The following LRRC4C variants were observed in gnomAD, a reference collection of about 807,000 sequenced individuals.
LRRC4C encodes the protein leucine-rich repeat-containing protein 4C.
Under a neutral mutation model 33.6 loss-of-function variants are expected in LRRC4C, and 5 were observed. The observed-to-expected ratio is 0.15, with a 90% CI of 0.08 to 0.31. LRRC4C has a LOEUF of 0.31. LRRC4C is among the 10% of genes least tolerant of loss of function. LRRC4C has a pLI of 1.00. For missense variants in LRRC4C, 560 were observed against 796.7 expected (o/e 0.70, Z 3.58); for synonymous variants, 329 against 302.0 (o/e 1.09, Z -0.93).
chr11:41,261,561 T>G (rs1948983204), intron 1 of LRRC4C, among the ~76,000 whole-genome samples: 2 of 152,072 alleles, frequency 1.3e-5, no homozygotes, highest in Admixed American at 1.3e-4. Context: ...TTCAAGCCAG[T>G]GCACTCTTGA....
At chr11:40,574,002 C>T (rs200266968) in intron 3 of LRRC4C, among the ~76,000 whole-genome samples, 52 of 152,146 alleles carry the variant, frequency 3.4e-4, no homozygotes, top group East Asian at 3.1e-3. Flanking sequence ...AATTTGATTA[C>T]GGTGTTAAAG....
intron 3 of LRRC4C, among the ~76,000 whole-genome samples, chr11:40,563,120 CAA>C (rs1197929277): frequency 1.3e-5 from 2 of 152,084 alleles, no homozygotes; most frequent in Non-Finnish European, 2.9e-5. Flanking sequence ...AAATGACACT[CAA>C]AGAGTGGTTT....
At chr11:40,245,951 T>C (rs1400463763) in intron 4 of LRRC4C, among the ~76,000 whole-genome samples, 1 of 151,690 alleles carries the variant, frequency 6.6e-6, no homozygotes, top group Admixed American at 6.6e-5. Flanking sequence ...AGATACATGA[T>C]ACATATTGTT....
At chr11:40,345,804 A>G (rs1025438602) in intron 3 of LRRC4C, among the ~76,000 whole-genome samples, 10 of 152,212 alleles carry the variant, frequency 6.6e-5, no homozygotes, top group African/African-American at 2.4e-4. Context: ...TATGTATTGG[A>G]CAAAGTGGTA....
chr11:40,228,670 C>T (rs1485418672), intron 5 of LRRC4C, among the ~76,000 whole-genome samples: 1 of 152,216 alleles, frequency 6.6e-6, no homozygotes, highest in Non-Finnish European at 1.5e-5. Context: ...TGGAAGAATG[C>T]TCACAAATCA....
intron 1 of LRRC4C, among the ~76,000 whole-genome samples, chr11:41,435,676 A>C (rs1469123826): frequency 6.6e-6 from 1 of 152,220 alleles, no homozygotes; most frequent in Non-Finnish European, 1.5e-5. Context: ...ATTTGTCAAT[A>C]AATATTTTTC....
intron 3 of LRRC4C, among the ~76,000 whole-genome samples, chr11:40,518,033 G>A (rs1050642781): frequency 2.6e-5 from 4 of 152,162 alleles, no homozygotes; most frequent in African/African-American, 9.7e-5. Context: ...TTCATAAATG[G>A]TGCTGGGAAA....
chr11:40,592,755 C>G (rs1959114498), intron 3 of LRRC4C, among the ~76,000 whole-genome samples: 1 of 152,166 alleles, frequency 6.6e-6, no homozygotes. Flanking sequence ...CTGGCATGCA[C>G]AGACTACTTC....
At chr11:40,697,596 A>C (rs1945635522) in intron 2 of LRRC4C, among the ~76,000 whole-genome samples, 1 of 152,212 alleles carries the variant, frequency 6.6e-6, no homozygotes, top group Non-Finnish European at 1.5e-5. Context: ...TCTATTTTAC[A>C]ACCTATGGAT....
intron 4 of LRRC4C, among the ~76,000 whole-genome samples, chr11:40,313,066 G>A (rs1945391961): frequency 6.6e-6 from 1 of 152,038 alleles, no homozygotes; most frequent in African/African-American, 2.4e-5. Flanking sequence ...ATATATTATT[G>A]CCTGTCCCTT....
At chr11:40,188,306 A>G (rs7930773) in intron 5 of LRRC4C, among the ~76,000 whole-genome samples, 98,638 of 152,000 alleles carry the variant, frequency 0.65, 32,139 homozygotes, top group South Asian at 0.8. Flanking sequence ...TATTCTATTC[A>G]TCTCTCACAT....
At chr11:41,163,515 C>A (rs1307767162) in intron 1 of LRRC4C, among the ~76,000 whole-genome samples, 2 of 151,648 alleles carry the variant, frequency 1.3e-5, no homozygotes, top group Admixed American at 6.6e-5. Context: ...AACTCCTGAC[C>A]TCAAATGATC....
intron 1 of LRRC4C, chr11:41,394,874 T>C (rs945306761): frequency 3.3e-5 from 5 of 151,914 alleles, no homozygotes; most frequent in South Asian, 2.1e-4. Flanking sequence ...AGTCACTTAA[T>C]AGAGAAAAGG....
intron 1 of LRRC4C, among the ~76,000 whole-genome samples, chr11:41,226,067 C>A (rs1280313550): frequency 6.6e-6 from 1 of 152,142 alleles, no homozygotes; most frequent in Non-Finnish European, 1.5e-5. Flanking sequence ...ACATGACATT[C>A]AACTGTGACT....
chr11:40,607,238 A>T (rs1960715787), intron 3 of LRRC4C, among the ~76,000 whole-genome samples: 1 of 152,162 alleles, frequency 6.6e-6, no homozygotes, highest in African/African-American at 2.4e-5. Context: ...TTGGTACAGG[A>T]TGGGGGAAGG....
intron 2 of LRRC4C, among the ~76,000 whole-genome samples, chr11:40,727,593 A>C (rs1452620665): frequency 6.6e-6 from 1 of 152,188 alleles, no homozygotes; most frequent in African/African-American, 2.4e-5. Flanking sequence ...ACAGCAAAAG[A>C]AACTATCAAC....
chr11:40,523,551 A>G (rs138976148), intron 3 of LRRC4C, among the ~76,000 whole-genome samples: 1 of 149,032 alleles, frequency 6.7e-6, no homozygotes, highest in African/African-American at 2.4e-5. Context: ...TATATAAATG[A>G]AAATTTCTAA....
intron 1 of LRRC4C, among the ~76,000 whole-genome samples, chr11:40,980,248 A>G (rs1463319860): frequency 6.6e-6 from 1 of 152,204 alleles, no homozygotes; most frequent in Non-Finnish European, 1.5e-5. Flanking sequence ...CTTTTAATGG[A>G]ACCACATAGG....
At chr11:40,872,172 G>A (rs1565155159) in intron 2 of LRRC4C, among the ~76,000 whole-genome samples, 1 of 152,080 alleles carries the variant, frequency 6.6e-6, no homozygotes, top group Non-Finnish European at 1.5e-5. Flanking sequence ...TCTTATGAAA[G>A]GGACACTGTA....
Sources: gnomAD v4.1 joint callset for allele counts (sites outside exome capture counted in the v4.1 genomes callset) on GRCh38, gnomAD v4.1.1 for gene constraint, MANE v1.5 for transcripts, NCBI Gene and HGNC (gene_info 2026-07-23, HGNC 2026-07-21) for gene names.